The following KLHL30 variants were observed in gnomAD, a reference collection of about 807,000 sequenced individuals.
KLHL30 encodes the protein kelch like family member 30, also known as kelch-like protein 30.
In KLHL30, 55 loss-of-function variants were observed where a neutral mutation model predicts 55.0. That is an observed-to-expected ratio of 1.00 (90% CI 0.80 to 1.25). The LOEUF (loss-of-function observed/expected upper bound fraction) is 1.25, where lower values mean the gene tolerates loss of function less well. KLHL30 is among the 50% of genes most tolerant of loss of function. The pLI is 0.00. For missense variants in KLHL30, 786 were observed against 811.6 expected, an observed-to-expected ratio of 0.97 and a Z score of 0.38; for synonymous variants, 356 against 372.6, an observed-to-expected ratio of 0.96 and a Z score of 0.51.
At position 238,140,989 on chromosome 2, in the gene KLHL30, G is replaced by C. The variant is rs200448099; in HGVS notation, c.235G>C (p.Val79Leu). 6.2e-7 allele frequency: 1 copy of C among 1,612,492 alleles called. No individual in the cohort carries two copies. Among genetic ancestry groups the C allele is most frequent in the Admixed American group, 1.7e-5 (1 of 60,026 alleles). The change falls in exon 2 of 8, where the codon GTG (valine) becomes CTG (leucine). Residue 79 changes from valine (V) to leucine (L), a missense_variant. Physicochemically the swap from Val to Leu is conservative, Grantham distance 32. Coordinates refer to ENST00000409223, the MANE Select transcript of KLHL30 (RefSeq NM_198582.4). Reference protein sequence around the residue: ...SFSARVELRDVEPAVVGQLVD... With the variant: ...SFSARVELRDLEPAVVGQLVD... Reference sequence around the variant, plus strand: ...CTCTGCGCGCGTGGAGCTGCGGGACGTGGAGCCCGCCGTGGTGGGACAACT... The same window carrying C: ...CTCTGCGCGCGTGGAGCTGCGGGACCTGGAGCCCGCCGTGGTGGGACAACT...
At chr2:238,144,343 G>A (rs1433003598) in intron 3 of KLHL30, among the ~76,000 whole-genome samples, 2 of 151,096 alleles carry the variant, frequency 1.3e-5, no homozygotes, top group Non-Finnish European at 3.0e-5. Flanking sequence ...TATGTGCCTG[G>A]CTGCCAGGAG....
chr2:238,141,554 TC>T, intron 2 of KLHL30, 26 bp downstream of exon 2: 2 of 1,432,340 alleles, frequency 1.4e-6, no homozygotes, highest in Non-Finnish European at 1.8e-6. Context: ...GGAGGCCCCA[TC>T]CCTGGGAAGC....
chr2:238,138,922 G>A (rs1303113218), intron 1 of KLHL30, among the ~76,000 whole-genome samples, 164 bp downstream of exon 1: 1 of 152,182 alleles, frequency 6.6e-6, no homozygotes, highest in East Asian at 1.9e-4. Context: ...GGCTCCTCAG[G>A]GTGGGGGCTC....
rs1692763603 is a variant in KLHL30 at position 238,151,937 on chromosome 2, G to A, written c.*872G>A. The A allele has an allele frequency of 1.2e-5, 12 of 985,360 alleles. No individual in the cohort carries two copies. The South Asian group carries it at 5.2e-4, about 42-fold the overall frequency. 61.0% of individuals were successfully genotyped at this position (985,360 alleles called of 1,614,324 possible). On this transcript the variant is annotated 3_prime_UTR_variant, in exon 8 of 8. Transcript: ENST00000409223. ...CTCCTGAGGGTGAGGGGTAGCATCCGATGGGCCCCTGCCAGCATGCAGCCC... is the reference window on the plus strand; with the variant it reads ...CTCCTGAGGGTGAGGGGTAGCATCCAATGGGCCCCTGCCAGCATGCAGCCC...
rs950445792 is a variant in KLHL30, at chr2:238,142,781, T to C, written c.775-18T>C. 2.2e-6 allele frequency: 3 copies of C among 1,379,188 alleles called. No individual in the cohort carries two copies. Among genetic ancestry groups the C allele is most frequent in the South Asian group, 3.8e-5 (2 of 52,946 alleles). The allele number at this position is 1,379,188 out of a possible 1,614,324, so 85.4% of individuals were successfully genotyped here. A position where few individuals can be genotyped will look rare whatever the true frequency, so the allele number is the denominator to read the frequency against. ...GGACACATTGCTGTTGCCCTGACCC[T>C]GGCCTCCCACCCCACAGGCACCACT... is the stretch of plus-strand genomic sequence containing the variant. On this transcript the variant is annotated intron_variant, in intron 2 of 7. Coordinates refer to ENST00000409223, the MANE Select transcript of KLHL30 (RefSeq NM_198582.4).
chr2:238,148,132 G>A (rs915372187), intron 6 of KLHL30, 110 bp downstream of exon 6: 53 of 1,094,738 alleles, frequency 4.8e-5, no homozygotes, highest in South Asian at 9.0e-5. Flanking sequence ...GACGGGGCCC[G>A]GGGTGGAGAG....
At chr2:238,142,131 G>C (rs910741034) in intron 2 of KLHL30, among the ~76,000 whole-genome samples, 3 of 152,142 alleles carry the variant, frequency 2.0e-5, no homozygotes, top group East Asian at 1.9e-4. Context: ...GTGGCTGTTC[G>C]GTCAGCTGCC....
chr2:238,147,879 C>A lies in KLHL30; in HGVS notation c.1196C>A (p.Thr399Lys). ...GAGGTGGAGAGCTATGACCCCTACA[C>A]GGACAGCTGGACGCCCGTCAGCCCG... ...VVEVESYDPYTDSWTPVSPAL... is the reference protein window; with the variant it reads ...VVEVESYDPYKDSWTPVSPAL... The change falls in exon 6 of 8, where the codon ACG (threonine) becomes AAG (lysine). Residue 399 changes from threonine to lysine, a missense_variant. Coordinates refer to ENST00000409223, the MANE Select transcript of KLHL30 (RefSeq NM_198582.4). The surrounding 1 kb of genome is among the most constrained non-coding windows in gnomAD (Gnocchi z 5.8). 6.3e-7 allele frequency: 1 copy of A among 1,594,942 alleles called. No homozygotes were observed. The highest frequency in any genetic ancestry group is 8.5e-7 in the Non-Finnish European group (1 of 1,170,046).
rs201204690 is a variant in KLHL30, at chr2:238,145,683, C to T, written c.1001C>T (p.Ser334Phe). 3.5e-4 allele frequency: 555 copies of T among 1,577,186 alleles called. No individual in the cohort carries two copies. Among genetic ancestry groups the T allele is most frequent in the Non-Finnish European group, 4.5e-4 (521 of 1,163,414 alleles). Residue 334 changes from serine (S) to phenylalanine (F), a missense_variant, in exon 5 of 8, where the codon TCT (serine) becomes TTT (phenylalanine). Coordinates refer to ENST00000409223, the MANE Select transcript of KLHL30 (RefSeq NM_198582.4). ...ACAGAACTTCTCCCGGCAGGTGGCT[C>T]TCGGGGCACAAAGACAGACACCTGG... ...LNNNIYVTGG[S>F]RGTKTDTWST... is the part of the protein sequence containing the mutation.
rs778176742 is a variant in KLHL30 at position 238,151,016 on chromosome 2, T to A, written c.1688T>A (p.Leu563Gln). The change falls in exon 8 of 8, where the codon CTG becomes CAG. Residue 563 changes from leucine (L) to glutamine (Q), a missense_variant. Physicochemically the swap from Leu to Gln is moderately radical, Grantham distance 113. Coordinates refer to ENST00000409223, the MANE Select transcript of KLHL30 (RefSeq NM_198582.4). ...WLYHGASTVFLDVSKWTQPSG... is the reference protein window; with the variant it reads ...WLYHGASTVFQDVSKWTQPSG... ...TACCACGGGGCCTCCACCGTCTTCC[T>A]GGATGTCTCCAAGTGGACCCAGCCC... The A allele has an allele frequency of 2.3e-5, 36 of 1,592,958 alleles. No individual in the cohort carries two copies. The highest frequency in any genetic ancestry group is 2.9e-5 in the Non-Finnish European group (34 of 1,170,960).
Position 238,151,890 on chromosome 2 carries a change from T to C in KLHL30, c.*825T>C, listed in dbSNP as rs552008343. 2 of 985,478 alleles carry C rather than the reference T, an allele frequency of 2.0e-6. No homozygotes were observed. Among genetic ancestry groups the C allele is most frequent in the Admixed American group, 6.1e-5 (1 of 16,296 alleles). 61.0% of individuals were successfully genotyped at this position (985,478 alleles called of 1,614,324 possible). On this transcript the variant is annotated 3_prime_UTR_variant, in exon 8 of 8. Transcript: ENST00000409223. ...ATGGAATTTCCCACCAGGGGACGAC[T>C]CTTGGGTGCATTGGTGGCAGCCTCC...
In KLHL30 at chr2:238,151,026, C is replaced by G. The variant is rs1447831891; in HGVS notation, c.1698C>G (p.Ser566=). ...HGASTVFLDV[S]KWTQPSGPTQ... ...CCTCCACCGTCTTCCTGGATGTCTC[C>G]AAGTGGACCCAGCCCTCCGGCCCCA... is the stretch of plus-strand genomic sequence containing the variant. The change falls in exon 8 of 8, where the codon TCC becomes TCG. Residue 566 remains serine, a synonymous_variant. Transcript: ENST00000409223. 1.3e-6 allele frequency: 2 copies of G among 1,592,750 alleles called. No individual in the cohort carries two copies. Among genetic ancestry groups the G allele is most frequent in the Non-Finnish European group, 1.7e-6 (2 of 1,170,906 alleles).
At position 238,149,358 on chromosome 2, in the gene KLHL30, C is replaced by T. The variant is rs926563115; in HGVS notation, c.1485+206C>T. Among the ~76,000 whole-genome samples, 19 of 143,896 alleles carry T rather than the reference C, an allele frequency of 1.3e-4. 1 individual carries two copies. The highest frequency in any genetic ancestry group is 6.8e-4 in the East Asian group (3 of 4,422). The allele number at this position is 143,896 out of a possible 152,430, so 94.4% of individuals were successfully genotyped here. A position where few individuals can be genotyped will look rare whatever the true frequency, so the allele number is the denominator to read the frequency against. On this transcript the variant is annotated intron_variant, in intron 7 of 7. Coordinates refer to ENST00000409223, the MANE Select transcript of KLHL30 (RefSeq NM_198582.4). ...AGAGGGCCCACAGTGAAGAGGGTGG[C>T]GCAGGCTGGGGTGCCCACAGAGGGC...
chr2:238,141,559 G>C, intron 2 of KLHL30, 31 bp downstream of exon 2: 1 of 1,432,322 alleles, frequency 7.0e-7, no homozygotes, highest in Non-Finnish European at 9.1e-7. Flanking sequence ...CCCCATCCCT[G>C]GGAAGCAGGG....
chr2:238,148,419 G>A (rs1022410350), intron 6 of KLHL30, among the ~76,000 whole-genome samples: 8 of 152,302 alleles, frequency 5.3e-5, no homozygotes, highest in Admixed American at 3.9e-4. Flanking sequence ...CCGAGGCCTC[G>A]AGGCCCATCT....
In KLHL30 at chr2:238,145,964, C is replaced by T. The variant is rs1290975954; in HGVS notation, c.1150+132C>T. ...CGCTCCCACTGCCACCCTCAGGGCT[C>T]GCTGTCTGGTGGGGCGGGCAAGCCA... is the stretch of plus-strand genomic sequence containing the variant. On this transcript the variant is annotated intron_variant, in intron 5 of 7. Transcript: ENST00000409223. 14 of 1,143,286 alleles carry T rather than the reference C, an allele frequency of 1.2e-5. No individual in the cohort carries two copies. In the South Asian group the frequency reaches 1.6e-4, roughly 13 times the overall value. 70.8% of individuals were successfully genotyped at this position (1,143,286 alleles called of 1,614,324 possible).
At position 238,151,515 on chromosome 2, in the gene KLHL30, CAG is replaced by C; in HGVS notation, c.*451_*452del. Reference sequence around the variant, plus strand: ...GGAAGGCAGGCCCCGGAGATGGGATCAGCACCAGGTCCTCGTGGGCCTGCTTC... The same window carrying C: ...GGAAGGCAGGCCCCGGAGATGGGATCCACCAGGTCCTCGTGGGCCTGCTTC... On this transcript the variant is annotated 3_prime_UTR_variant, in exon 8 of 8. Transcript: ENST00000409223. The C allele has an allele frequency of 9.9e-6, 2 of 201,250 alleles. No individual in the cohort carries two copies. The highest frequency in any genetic ancestry group is 1.3e-4 in the East Asian group (1 of 7,606). 12.5% of individuals were successfully genotyped at this position (201,250 alleles called of 1,614,324 possible).
intron 2 of KLHL30, among the ~76,000 whole-genome samples, chr2:238,142,399 G>A (rs1427945358): frequency 2.6e-5 from 4 of 152,134 alleles, no homozygotes; most frequent in African/African-American, 9.7e-5. Context: ...TCCATATGGG[G>A]GGCCAGGGTG....
At chr2:238,140,253 G>A (rs1692507157) in intron 1 of KLHL30, among the ~76,000 whole-genome samples, 1 of 152,342 alleles carries the variant, frequency 6.6e-6, no homozygotes, top group Middle Eastern at 3.4e-3. Flanking sequence ...GGAGCACCGC[G>A]GGAGCAGGAG....
Sources: gnomAD v4.1 joint callset for allele counts (sites outside exome capture counted in the v4.1 genomes callset) on GRCh38, gnomAD v4.1.1 for gene constraint, Gnocchi (gnomAD v3.1) non-coding constraint, MANE v1.5 for transcripts, NCBI Gene and HGNC (gene_info 2026-07-23, HGNC 2026-07-21) for gene names.